Variants in ANKFY1 observed in about 807,000 individuals in gnomAD.
ANKFY1 encodes ankyrin repeat and FYVE domain-containing protein 1.
A neutral mutation model predicts 128.3 loss-of-function variants in ANKFY1; 47 were observed. That is an observed-to-expected ratio of 0.37 (90% CI 0.29 to 0.47). The LOEUF (loss-of-function observed/expected upper bound fraction) is 0.47. Ranked by LOEUF, ANKFY1 falls within the 20% of genes least tolerant of loss-of-function variation. The probability of loss-of-function intolerance (pLI) is 1.00; values close to 1 mark genes in which losing one functional copy is unlikely to be tolerated. For missense variants in ANKFY1, 1,222 were observed against 1,510.6 expected, an observed-to-expected ratio of 0.81 and a Z score of 3.17; for synonymous variants, 553 against 601.6, an observed-to-expected ratio of 0.92 and a Z score of 1.18.
At chr17:4,233,035 T>A (rs59978860) in intron 3 of ANKFY1, among the ~76,000 whole-genome samples, 145 of 152,030 alleles carry the variant, frequency 9.5e-4, no homozygotes, top group African/African-American at 3.4e-3. Flanking sequence ...ATTTCACAGC[T>A]CAGCTGCCTA....
rs1199708659 is a variant in ANKFY1, at chr17:4,178,595, T to C, written c.2598+262A>G. On this transcript the variant is annotated intron_variant, in intron 18 of 24. Coordinates refer to ENST00000341657, the MANE Select transcript of ANKFY1 (RefSeq NM_001330063.2). The surrounding 1 kb of genome is among the most constrained non-coding windows in gnomAD (Gnocchi z 4.1). Reference sequence around the variant, plus strand: ...AGCAAAGAATGAGCTCAACTGTACATGCCACAGAATTCCTACGATGGAGCC... The same window carrying C: ...AGCAAAGAATGAGCTCAACTGTACACGCCACAGAATTCCTACGATGGAGCC... 1.9e-6 allele frequency: 1 copy of C among 530,916 alleles called. No homozygotes were observed. Among genetic ancestry groups the C allele is most frequent in the Non-Finnish European group, 3.4e-6 (1 of 293,176 alleles). 32.9% of individuals were successfully genotyped at this position (530,916 alleles called of 1,614,324 possible).
Position 4,167,568 on chromosome 17 carries a change from C to T in ANKFY1, c.*211G>A. 2.1e-6 allele frequency: 1 copy of T among 470,574 alleles called. No homozygotes were observed. Among genetic ancestry groups the T allele is most frequent in the Non-Finnish European group, 3.7e-6 (1 of 273,922 alleles). The allele number at this position is 470,574 out of a possible 1,614,324, so 29.1% of individuals were successfully genotyped here. A position where few individuals can be genotyped will look rare whatever the true frequency, so the allele number is the denominator to read the frequency against. ...TGGCCTGGTCTGATGAGTGAGACATCTAGTGAAATCGATCACAGTCTGACA... is the reference window on the plus strand; with the variant it reads ...TGGCCTGGTCTGATGAGTGAGACATTTAGTGAAATCGATCACAGTCTGACA... On this transcript the variant is annotated 3_prime_UTR_variant, in exon 25 of 25. Coordinates refer to ENST00000341657, the MANE Select transcript of ANKFY1 (RefSeq NM_001330063.2). The surrounding 1 kb of genome is among the most constrained non-coding windows in gnomAD (Gnocchi z 4.1).
intron 3 of ANKFY1, chr17:4,223,398 C>G (rs138734626): frequency 2.6e-6 from 4 of 1,566,884 alleles, no homozygotes; most frequent in South Asian, 2.2e-5. Flanking sequence ...CTGGCCAGAA[C>G]GGAAGTCATC....
chr17:4,238,947 CAG>C (rs1186374057), intron 2 of ANKFY1, among the ~76,000 whole-genome samples: 1 of 152,080 alleles, frequency 6.6e-6, no homozygotes, highest in Non-Finnish European at 1.5e-5. Flanking sequence ...TTAGTAGAGA[CAG>C]AGTTTCGCCA....
At chr17:4,207,148 G>T (rs1220141310) in intron 6 of ANKFY1, among the ~76,000 whole-genome samples, 2 of 152,106 alleles carry the variant, frequency 1.3e-5, no homozygotes, top group East Asian at 3.9e-4. Context: ...AACCACAGAG[G>T]GCCCGACCCG....
chr17:4,194,097 A>ATG (rs1337796107), intron 10 of ANKFY1, among the ~76,000 whole-genome samples: 12 of 89,222 alleles, frequency 1.3e-4, no homozygotes, highest in Non-Finnish European at 2.5e-4. Flanking sequence ...ATATATATAT[A>ATG]TATATATTTT....
intron 1 of ANKFY1, among the ~76,000 whole-genome samples, chr17:4,258,562 C>G (rs1968247343): frequency 6.6e-6 from 1 of 151,384 alleles, no homozygotes; most frequent in Non-Finnish European, 1.5e-5. Flanking sequence ...AAAGTTCCTT[C>G]TTTCCTTATT....
intron 6 of ANKFY1, among the ~76,000 whole-genome samples, chr17:4,207,662 G>T (rs920848317): frequency 7.3e-5 from 11 of 151,422 alleles, no homozygotes; most frequent in Non-Finnish European, 1.6e-4. Flanking sequence ...CACAGATTTT[G>T]GCACCTAAAA....
intron 15 of ANKFY1, 59 bp downstream of exon 15, chr17:4,182,122 C>A: frequency 7.3e-7 from 1 of 1,362,368 alleles, no homozygotes; most frequent in African/African-American, 1.5e-5. Flanking sequence ...GCAGCAGATC[C>A]ATCTCTGACA....
intron 1 of ANKFY1, among the ~76,000 whole-genome samples, chr17:4,253,156 G>A (rs956815008): frequency 1.3e-5 from 2 of 152,076 alleles, no homozygotes; most frequent in Non-Finnish European, 2.9e-5. Context: ...AGGAGGCAGA[G>A]GATGCAGTGA....
intron 7 of ANKFY1, among the ~76,000 whole-genome samples, chr17:4,203,145 G>C (rs1177504835): frequency 6.6e-6 from 1 of 152,108 alleles, no homozygotes; most frequent in Non-Finnish European, 1.5e-5. Flanking sequence ...AACAGAAAAT[G>C]TCACAATCAC....
intron 10 of ANKFY1, among the ~76,000 whole-genome samples, chr17:4,193,414 C>T (rs2059752783): frequency 8.3e-6 from 1 of 120,824 alleles, no homozygotes; most frequent in Non-Finnish European, 1.7e-5. Flanking sequence ...AGCCACCAGT[C>T]GACTCTTTTT....
Position 4,233,230 on chromosome 17 carries a change from T to C in ANKFY1, c.322+2542A>G, listed in dbSNP as rs138631829. ...TATTTTCCATATATTTATTACCTTC[T>C]AGTCTTCATAAACATTCTGTTCATA... On this transcript the variant is annotated intron_variant, in intron 3 of 24. Transcript: ENST00000341657. Among the ~76,000 whole-genome samples the C allele has an allele frequency of 2.6e-5, 4 of 152,322 alleles. No individual in the cohort carries two copies. In the East Asian group the frequency reaches 5.8e-4, roughly 22 times the overall value.
intron 10 of ANKFY1, among the ~76,000 whole-genome samples, chr17:4,191,891 A>G (rs75989297): frequency 3.6e-5 from 1 of 28,164 alleles, no homozygotes; most frequent in Non-Finnish European, 1.5e-4. Flanking sequence ...GTTGATGGTT[A>G]CTCTAATCTG....
In ANKFY1 at chr17:4,178,702, T is replaced by C; in HGVS notation, c.2598+155A>G. The C allele has an allele frequency of 2.7e-6, 2 of 736,720 alleles. No individual in the cohort carries two copies. The highest frequency in any genetic ancestry group is 3.5e-5 in the South Asian group (2 of 57,838). The allele number at this position is 736,720 out of a possible 1,614,324, so 45.6% of individuals were successfully genotyped here. On this transcript the variant is annotated intron_variant, in intron 18 of 24. Coordinates refer to ENST00000341657, the MANE Select transcript of ANKFY1 (RefSeq NM_001330063.2). This position sits in a 1 kb window ranked among gnomAD's most constrained non-coding sequence, Gnocchi z 4.1. ...GGAGCCGGATCTCATCCTGCACGGA[T>C]GGGACATCTCAACAGCCACATCTTA...
At chr17:4,260,764 G>A (rs1315034327) in intron 1 of ANKFY1, among the ~76,000 whole-genome samples, 1 of 151,986 alleles carries the variant, frequency 6.6e-6, no homozygotes, top group Non-Finnish European at 1.5e-5. Context: ...ATGGATAGAT[G>A]GAAGGAAAGA....
At chr17:4,193,368 A>T (rs2059752099) in intron 10 of ANKFY1, among the ~76,000 whole-genome samples, 1 of 147,846 alleles carries the variant, frequency 6.8e-6, no homozygotes. Context: ...CAATCCTCCC[A>T]CATCAGCCTC....
intron 8 of ANKFY1, among the ~76,000 whole-genome samples, chr17:4,197,143 C>A (rs1411600640): frequency 1.3e-5 from 2 of 151,756 alleles, no homozygotes; most frequent in Non-Finnish European, 2.9e-5. Context: ...AAACAACACA[C>A]AAAAAAAACC....
chr17:4,186,038 G>A lies in ANKFY1; in HGVS notation c.1471-992C>T, dbSNP rs140801013. On this transcript the variant is annotated intron_variant, in intron 11 of 24. Transcript: ENST00000341657. Reference sequence around the variant, plus strand: ...CGCTACCTGATGCAACATTTAAAACGAAGTTTCCTCTCACATTTGGAACCA... The same window carrying A: ...CGCTACCTGATGCAACATTTAAAACAAAGTTTCCTCTCACATTTGGAACCA... Among the ~76,000 whole-genome samples the A allele has an allele frequency of 4.1e-4, 63 of 152,160 alleles. No individual in the cohort carries two copies. In the East Asian group the frequency reaches 9.8e-3, roughly 24 times the overall value.
Sources: allele counts gnomAD v4.1 joint callset (sites outside exome capture counted in the v4.1 genomes callset), GRCh38; gene constraint gnomAD v4.1.1; non-coding constraint Gnocchi (gnomAD v3.1); transcripts MANE v1.5; gene names NCBI Gene and HGNC (gene_info 2026-07-23, HGNC 2026-07-21).